Variants in PBXIP1 observed in about 807,000 individuals in gnomAD.
The protein encoded by PBXIP1 is PBX homeobox interacting protein 1, also known as pre-B-cell leukemia transcription factor-interacting protein 1.
PBXIP1 carries 73 observed loss-of-function variants against 73.7 expected under a neutral mutation model. That is an observed-to-expected ratio of 0.99 (90% CI 0.82 to 1.20). The LOEUF (loss-of-function observed/expected upper bound fraction) is 1.20. Ranked by LOEUF, PBXIP1 falls within the 50% of genes most tolerant of loss-of-function variation. The pLI is 0.00. For synonymous variants in PBXIP1, 330 were observed against 366.9 expected, an observed-to-expected ratio of 0.90 and a Z score of 1.15; for missense variants, 818 against 911.4, an observed-to-expected ratio of 0.90 and a Z score of 1.32.
chr1:154,946,876 A>G, intron 9 of PBXIP1, 73 bp from the exon 10 acceptor site: 1 of 1,395,678 alleles, frequency 7.2e-7, no homozygotes, highest in Middle Eastern at 2.6e-4. Context: ...TTCTACCCCA[A>G]TTCCATTCTA....
chr1:154,945,669 C>T lies in PBXIP1; in HGVS notation c.2005G>A (p.Glu669Lys), dbSNP rs1558036780. 2.5e-6 allele frequency: 4 copies of T among 1,614,202 alleles called. 1 individual carries two copies. Among genetic ancestry groups the T allele is most frequent in the Non-Finnish European group, 3.4e-6 (4 of 1,180,018 alleles). Residue 669 changes from glutamate to lysine, a missense_variant, in exon 10 of 11, where the codon GAG becomes AAG. Glu to Lys is a moderately conservative substitution (Grantham distance 56). Transcript: ENST00000368463. Reference sequence around the variant, plus strand: ...TCACCTGTCTGTTGCACAGCCACCTCCTCCAAGCTGTCCTCCAGGGCATCC... The same window carrying T: ...TCACCTGTCTGTTGCACAGCCACCTTCTCCAAGCTGTCCTCCAGGGCATCC... Reference protein sequence around the residue: ...FVDALEDSLEEVAVQQTGDDD... With the variant: ...FVDALEDSLEKVAVQQTGDDD...
rs914310320 is a variant in PBXIP1, at chr1:154,948,411, T to C, written c.410-45A>G. The C allele has an allele frequency of 5.9e-6, 8 of 1,358,568 alleles. No individual in the cohort carries two copies. The East Asian group carries it at 9.8e-5, about 17-fold the overall frequency. 84.2% of individuals were successfully genotyped at this position (1,358,568 alleles called of 1,614,324 possible). A position where few individuals can be genotyped will look rare whatever the true frequency, so the allele number is the denominator to read the frequency against. On this transcript the variant is annotated intron_variant, in intron 5 of 10. Transcript: ENST00000368463. The stretch of plus-strand genomic sequence containing the variant: ...CAGGGCAGTGAGGTGACTGGAGAGA[T>C]GGGGAGACACAGGGAGAGAGGGGAA...
Position 154,951,916 on chromosome 1 carries a change from C to A in PBXIP1, c.57G>T (p.Leu19=). 1 of 1,608,858 alleles carries A rather than the reference C, an allele frequency of 6.2e-7. No homozygotes were observed. Among genetic ancestry groups the A allele is most frequent in the Non-Finnish European group, 8.5e-7 (1 of 1,178,690 alleles). Residue 19 remains leucine, a synonymous_variant, in exon 3 of 11, where the codon CTG becomes CTT. Coordinates refer to ENST00000368463, the MANE Select transcript of PBXIP1 (RefSeq NM_020524.4). The surrounding 1 kb of genome is among the most constrained non-coding windows in gnomAD (Gnocchi z 4.3). ...NSWVLAGSES[L]PVETLGPASR... ...ATGCCGGGCCCAGTGTCTCCACTGG[C>A]AGGCTCTGGGAGGAGAAGTGCAAGG...
rs749027403 is a variant in PBXIP1 at position 154,953,728 on chromosome 1, T to A, written c.-7A>T. The A allele has an allele frequency of 6.2e-7, 1 of 1,612,938 alleles. No homozygotes were observed. Among genetic ancestry groups the A allele is most frequent in the Non-Finnish European group, 8.5e-7 (1 of 1,179,400 alleles). ...AGTCTGGGCAGGAGGCCATAGTTGC[T>A]GAGGTCCCTGAGGCTGCTGTGGCTG... On this transcript the variant is annotated 5_prime_UTR_variant, in exon 2 of 11. Transcript: ENST00000368463.
chr1:154,947,570 A>G (rs1571396897), intron 8 of PBXIP1, 22 bp from the exon 9 acceptor site: 2 of 1,603,380 alleles, frequency 1.2e-6, no homozygotes, highest in East Asian at 4.5e-5. Context: ...AGAGCCTGTT[A>G]TGCCATGCTA....
chr1:154,953,867 A>G (rs946769151), intron 1 of PBXIP1, 110 bp from the exon 2 acceptor site: 6 of 640,856 alleles, frequency 9.4e-6, no homozygotes, highest in Admixed American at 2.7e-5. Flanking sequence ...CAGCCTCCAG[A>G]ACCAAGCCTG....
Position 154,946,071 on chromosome 1 carries a change from G to A in PBXIP1, c.1603C>T (p.Arg535Ter), listed in dbSNP as rs200974199. The change falls in exon 10 of 11, where the codon CGA (arginine) becomes TGA (stop). Residue 535 changes from arginine (R) to a stop codon, truncating the protein, a stop_gained. Coordinates refer to ENST00000368463, the MANE Select transcript of PBXIP1 (RefSeq NM_020524.4). LOFTEE classifies it high-confidence loss of function. Reference protein sequence around the residue: ...EESGSKKEGKRQGPKEPPRKS... With the variant: ...EESGSKKEGK ...CTTGGGGGTTCCTTCGGGCCCTGTC[G>A]CTTGCCCTCCTTCTTGCTCCCCGAC... The A allele has an allele frequency of 1.6e-4, 252 of 1,614,090 alleles. No homozygotes were observed. The highest frequency in any genetic ancestry group is 2.1e-4 in the Non-Finnish European group (242 of 1,180,000).
In PBXIP1 at chr1:154,951,087, G is replaced by T; in HGVS notation, c.409+145C>A. 4.3e-6 allele frequency: 3 copies of T among 702,478 alleles called. No homozygotes were observed. The highest frequency in any genetic ancestry group is 7.2e-6 in the Non-Finnish European group (3 of 417,198). 43.5% of individuals were successfully genotyped at this position (702,478 alleles called of 1,614,324 possible). ...TCATTCAACCTTTCTGGGCCTCAAC[G>T]TCCCAGGGGTAGTGGTGAGAAAGGA... On this transcript the variant is annotated intron_variant, in intron 5 of 10. Transcript: ENST00000368463. The surrounding 1 kb of genome is among the most constrained non-coding windows in gnomAD (Gnocchi z 4.3).
chr1:154,951,394 T>G lies in PBXIP1; in HGVS notation c.247A>C (p.Thr83Pro). The change falls in exon 5 of 11, where the codon ACC becomes CCC. Residue 83 changes from threonine (T) to proline (P), a missense_variant. Physicochemically the swap from Thr to Pro is conservative, Grantham distance 38. Coordinates refer to ENST00000368463, the MANE Select transcript of PBXIP1 (RefSeq NM_020524.4). The surrounding 1 kb of genome is among the most constrained non-coding windows in gnomAD (Gnocchi z 4.3). ...ILTEETEVKG[T>P]LEGDVCGVEP... ...ACACCACAAACATCACCTTCCAGGG[T>G]GCCCTAATGCAGATGCAGCAGTGAG... 6.2e-7 allele frequency: 1 copy of G among 1,614,048 alleles called. No homozygotes were observed.
intron 7 of PBXIP1, 123 bp downstream of exon 7, chr1:154,947,859 T>C: frequency 7.3e-7 from 1 of 1,360,754 alleles, no homozygotes; most frequent in Non-Finnish European, 1.0e-6. Context: ...AGGGGCACCC[T>C]GAACAGCTGA....
intron 2 of PBXIP1, among the ~76,000 whole-genome samples, chr1:154,952,498 C>T (rs558365779): frequency 1.2e-3 from 182 of 152,302 alleles, no homozygotes; most frequent in African/African-American, 3.9e-3. Context: ...GCCTGGACAT[C>T]CAGCCCTGGC....
intron 5 of PBXIP1, among the ~76,000 whole-genome samples, chr1:154,950,713 T>A (rs1404185657): frequency 6.6e-6 from 1 of 152,252 alleles, no homozygotes; most frequent in Non-Finnish European, 1.5e-5. Context: ...AAAAGCCTAC[T>A]CTGTGCTCAG....
In PBXIP1 at chr1:154,951,554, C is replaced by T. The variant is rs372545211; in HGVS notation, c.179-19G>A. 17 of 1,610,698 alleles carry T rather than the reference C, an allele frequency of 1.1e-5. No homozygotes were observed. Among genetic ancestry groups the T allele is most frequent in the Middle Eastern group, 1.6e-4 (1 of 6,068 alleles). On this transcript the variant is annotated intron_variant, in intron 3 of 10. Transcript: ENST00000368463. This position sits in a 1 kb window ranked among gnomAD's most constrained non-coding sequence, Gnocchi z 4.3. ...AGCGTCCCTGCGGTAGGAGAAAAGG[C>T]GCAGAAAAACCCACTGCCCCAGCTG...
intron 1 of PBXIP1, chr1:154,954,954 C>T (rs1332545741): frequency 5.1e-6 from 5 of 984,470 alleles, no homozygotes; most frequent in Non-Finnish European, 4.8e-6. Context: ...GGCAGTTCTA[C>T]CTTTGAAACC....
Position 154,945,943 on chromosome 1 carries a change from C to T in PBXIP1, c.1731G>A (p.Leu577=). The part of the protein sequence containing the change: ...SHDPLPSWAE[L]LRPKYRAPQG... ...GGGGTGCCCGGTACTTGGGCCTCAA[C>T]AGCTCTGCCCAGGATGGCAGGGGGT... The change falls in exon 10 of 11, where the codon CTG becomes CTA. Residue 577 remains leucine, a synonymous_variant. Transcript: ENST00000368463. The T allele has an allele frequency of 6.2e-7, 1 of 1,614,188 alleles. No individual in the cohort carries two copies. The highest frequency in any genetic ancestry group is 8.5e-7 in the Non-Finnish European group (1 of 1,179,996).
Position 154,946,773 on chromosome 1 carries a change from G to A in PBXIP1, c.901C>T (p.His301Tyr). 6.4e-7 allele frequency: 1 copy of A among 1,554,650 alleles called. No homozygotes were observed. The highest frequency in any genetic ancestry group is 2.3e-5 in the East Asian group (1 of 44,114). Reference sequence around the variant, plus strand: ...TCCTCCTCTAGCCCTTTGGGCTGGTGCATCAGGCTCTGAAGCTCTTCCTTT... The same window carrying A: ...TCCTCCTCTAGCCCTTTGGGCTGGTACATCAGGCTCTGAAGCTCTTCCTTT... ...AQKEELQSLMHQPKGLEEENA... is the reference protein window; with the variant it reads ...AQKEELQSLMYQPKGLEEENA... The change falls in exon 10 of 11, where the codon CAC (histidine) becomes TAC (tyrosine). Residue 301 changes from histidine to tyrosine, a missense_variant. Coordinates refer to ENST00000368463, the MANE Select transcript of PBXIP1 (RefSeq NM_020524.4).
chr1:154,945,960 G>A lies in PBXIP1; in HGVS notation c.1714C>T (p.Pro572Ser). The part of the protein sequence containing the change: ...EGTKDSHDPL[P>S]SWAELLRPKY... ...GGCCTCAACAGCTCTGCCCAGGATG[G>A]CAGGGGGTCATGGCTGTCCTTAGTC... Residue 572 changes from proline (P) to serine (S), a missense_variant, in exon 10 of 11, where the codon CCA becomes TCA. Coordinates refer to ENST00000368463, the MANE Select transcript of PBXIP1 (RefSeq NM_020524.4). 6.2e-7 allele frequency: 1 copy of A among 1,614,062 alleles called. No individual in the cohort carries two copies. The highest frequency in any genetic ancestry group is 2.2e-5 in the East Asian group (1 of 44,884).
chr1:154,954,989 A>G, intron 1 of PBXIP1: 3 of 984,212 alleles, frequency 3.0e-6, no homozygotes, highest in Non-Finnish European at 3.6e-6. Flanking sequence ...CTTCTGTTTG[A>G]GCTGTTTTCA....
chr1:154,947,827 G>T, intron 7 of PBXIP1, 115 bp from the exon 8 acceptor site: 2 of 1,378,804 alleles, frequency 1.5e-6, no homozygotes, highest in Non-Finnish European at 2.0e-6. Flanking sequence ...GTGGCTGAGC[G>T]GTTTGGTGAG....
Sources: gnomAD v4.1 joint callset for allele counts (sites outside exome capture counted in the v4.1 genomes callset) on GRCh38, gnomAD v4.1.1 for gene constraint, Gnocchi (gnomAD v3.1) non-coding constraint, MANE v1.5 for transcripts, NCBI Gene and HGNC (gene_info 2026-07-23, HGNC 2026-07-21) for gene names.